XKR4: variants seen among roughly 807,000 people sequenced by gnomAD.
XKR4 encodes the protein XK-related protein 4.
A neutral mutation model predicts 53.9 loss-of-function variants in XKR4; 12 were observed. The ratio of observed to expected loss-of-function variants is 0.22; its 90% CI spans 0.14 to 0.36. The LOEUF (loss-of-function observed/expected upper bound fraction) is 0.36. XKR4 is among the 10% of genes least tolerant of loss of function. The probability of loss-of-function intolerance (pLI) is 1.00; values close to 1 mark genes in which losing one functional copy is unlikely to be tolerated. For synonymous variants in XKR4, 354 were observed against 362.4 expected (o/e 0.98, Z 0.26); for missense variants, 799 against 859.5 (o/e 0.93, Z 0.88).
Position 55,210,281 on chromosome 8 carries a change from A to T in XKR4, c.806+106987A>T, listed in dbSNP as rs547413475. Among the ~76,000 whole-genome samples the T allele has an allele frequency of 4.6e-5, 7 of 152,046 alleles. No individual in the cohort carries two copies. In the East Asian group the frequency reaches 1.4e-3, roughly 30 times the overall value. On this transcript the variant is annotated intron_variant, in intron 1 of 2. Coordinates refer to ENST00000327381, the MANE Select transcript of XKR4 (RefSeq NM_052898.2). Reference sequence around the variant, plus strand: ...GTATTTTTAGTAGAGATGGGGTTTCATCATGTTGCCCAGGCTGGTCTCGAA... The same window carrying T: ...GTATTTTTAGTAGAGATGGGGTTTCTTCATGTTGCCCAGGCTGGTCTCGAA...
intron 1 of XKR4, among the ~76,000 whole-genome samples, chr8:55,299,748 G>T (rs2129376587): frequency 6.6e-6 from 1 of 152,282 alleles, no homozygotes; most frequent in South Asian, 2.1e-4. Context: ...TGCGCTGAAT[G>T]TCAGGTGCCT....
intron 1 of XKR4, among the ~76,000 whole-genome samples, chr8:55,322,091 C>A (rs771793482): frequency 1.3e-5 from 2 of 152,188 alleles, no homozygotes; most frequent in African/African-American, 2.4e-5. Flanking sequence ...TCAGTGATAA[C>A]CACTATTCTA....
chr8:55,351,474 T>C (rs1438468908), intron 1 of XKR4, among the ~76,000 whole-genome samples: 2 of 152,176 alleles, frequency 1.3e-5, no homozygotes, highest in Non-Finnish European at 2.9e-5. Context: ...CTTTTTAGCC[T>C]ATAGAAACAA....
At chr8:55,357,958 T>G (rs1385033008) in intron 2 of XKR4, 81 bp downstream of exon 2, 1 of 1,401,916 alleles carries the variant, frequency 7.1e-7, no homozygotes, top group Non-Finnish European at 9.7e-7. Flanking sequence ...ACTGTCCTAA[T>G]GCCCTTTGTT....
chr8:55,450,031 G>A (rs2129396066), intron 2 of XKR4: 1 of 785,576 alleles, frequency 1.3e-6, no homozygotes, highest in East Asian at 2.6e-5. Flanking sequence ...CACTAGGAGG[G>A]AGCTAGGGGT....
At chr8:55,114,054 T>C (rs1361905826) in intron 1 of XKR4, among the ~76,000 whole-genome samples, 3 of 152,202 alleles carry the variant, frequency 2.0e-5, no homozygotes, top group Non-Finnish European at 4.4e-5. Context: ...TTTGTTTTTA[T>C]GATAGAACGA....
intron 2 of XKR4, among the ~76,000 whole-genome samples, chr8:55,363,230 G>A (rs758396919): frequency 2.0e-5 from 3 of 152,078 alleles, no homozygotes; most frequent in East Asian, 1.9e-4. Flanking sequence ...AACAAATGCC[G>A]TCCCACAGGC....
rs368530674 is a variant in XKR4 at position 55,246,398 on chromosome 8, C to T, written c.807-111280C>T. Among the ~76,000 whole-genome samples the T allele has an allele frequency of 1.4e-4, 21 of 152,256 alleles. No homozygotes were observed. The Middle Eastern group carries it at 0.01, about 74-fold the overall frequency. ...GTATGATGTGGCTTCACCAGTGTAT[C>T]ACCAGCCAGAACATAATTTGGGGAA... On this transcript the variant is annotated intron_variant, in intron 1 of 2. Transcript: ENST00000327381.
intron 2 of XKR4, among the ~76,000 whole-genome samples, chr8:55,430,922 C>T (rs1163665019): frequency 6.6e-6 from 1 of 152,204 alleles, no homozygotes; most frequent in Non-Finnish European, 1.5e-5. Flanking sequence ...TTCTGAGGTA[C>T]TGGGATTTCA....
intron 1 of XKR4, among the ~76,000 whole-genome samples, chr8:55,296,709 A>T (rs1819106530): frequency 6.6e-6 from 1 of 152,114 alleles, no homozygotes; most frequent in African/African-American, 2.4e-5. Flanking sequence ...TTTTAGATGG[A>T]AAGAAACTGC....
chr8:55,441,803 A>G (rs1805272263), intron 2 of XKR4, among the ~76,000 whole-genome samples: 1 of 152,206 alleles, frequency 6.6e-6, no homozygotes, highest in South Asian at 2.1e-4. Flanking sequence ...AATAATTTGG[A>G]TGAAATGCAA....
At chr8:55,235,799 T>A (rs1818112612) in intron 1 of XKR4, among the ~76,000 whole-genome samples, 1 of 152,078 alleles carries the variant, frequency 6.6e-6, no homozygotes, top group South Asian at 2.1e-4. Context: ...GGACAGAGAA[T>A]CTGTCAAAAA....
chr8:55,281,715 T>C (rs1479671905), intron 1 of XKR4, among the ~76,000 whole-genome samples: 1 of 152,240 alleles, frequency 6.6e-6, no homozygotes, highest in African/African-American at 2.4e-5. Flanking sequence ...GTAATTTCTC[T>C]CGCTGTTTAT....
intron 1 of XKR4, among the ~76,000 whole-genome samples, chr8:55,152,910 G>A (rs908604267): frequency 6.6e-6 from 1 of 152,208 alleles, no homozygotes; most frequent in Non-Finnish European, 1.5e-5. Flanking sequence ...AGCATTAAAT[G>A]ATGCAGTGTA....
chr8:55,271,905 G>T (rs1420452600), intron 1 of XKR4, among the ~76,000 whole-genome samples: 1 of 152,196 alleles, frequency 6.6e-6, no homozygotes, highest in Non-Finnish European at 1.5e-5. Context: ...TTCCTGGGTT[G>T]CTTATTGTAT....
chr8:55,294,875 AGTAGGGAAATT>A (rs1363006552), intron 1 of XKR4, among the ~76,000 whole-genome samples: 17 of 152,298 alleles, frequency 1.1e-4, no homozygotes, highest in Non-Finnish European at 2.4e-4. Context: ...TCAGGATATG[AGTAGGGAAATT>A]CATGCAAAAC....
At chr8:55,269,118 A>C (rs1450829550) in intron 1 of XKR4, among the ~76,000 whole-genome samples, 2 of 152,182 alleles carry the variant, frequency 1.3e-5, no homozygotes, top group Non-Finnish European at 2.9e-5. Context: ...AATAGTTAGA[A>C]TTTTATGTAA....
At chr8:55,520,110 T>C (rs911015779) in intron 2 of XKR4, among the ~76,000 whole-genome samples, 7 of 152,228 alleles carry the variant, frequency 4.6e-5, no homozygotes, top group Non-Finnish European at 1.5e-5. Flanking sequence ...GAAGTCTGTC[T>C]TGGCATTGGA....
At chr8:55,143,726 T>TC (rs1816735668) in intron 1 of XKR4, among the ~76,000 whole-genome samples, 1 of 152,216 alleles carries the variant, frequency 6.6e-6, no homozygotes. Flanking sequence ...AGGATGTGCC[T>TC]CCAAGTCCCA....
Sources: gnomAD v4.1 joint callset for allele counts (sites outside exome capture counted in the v4.1 genomes callset) on GRCh38, gnomAD v4.1.1 for gene constraint, MANE v1.5 for transcripts, NCBI Gene and HGNC (gene_info 2026-07-23, HGNC 2026-07-21) for gene names.